Variants in CACNA1B observed in about 807,000 individuals in gnomAD.
The protein encoded by CACNA1B is calcium voltage-gated channel subunit alpha1 B.
A neutral mutation model predicts 247.2 loss-of-function variants in CACNA1B; 70 were observed. The ratio of observed to expected loss-of-function variants is 0.28; its 90% confidence interval spans 0.23 to 0.35. CACNA1B has a LOEUF of 0.35. Ranked by LOEUF, CACNA1B falls within the 10% of genes least tolerant of loss-of-function variation. The pLI is 1.00. For synonymous variants in CACNA1B, 1,231 were observed against 1,294.4 expected, an observed-to-expected ratio of 0.95 and a Z score of 1.05; for missense variants, 2,367 against 3,197.4, an observed-to-expected ratio of 0.74 and a Z score of 6.26.
chr9:137,952,401 G>T lies in CACNA1B; in HGVS notation c.1070+24G>T. 1 of 1,585,258 alleles carries T rather than the reference G, an allele frequency of 6.3e-7. No homozygotes were observed. Among genetic ancestry groups the T allele is most frequent in the Non-Finnish European group, 8.7e-7 (1 of 1,153,926 alleles). ...GGGTGAGAGACCATGTGGGGGATGT[G>T]CAGGTGCCCCTCTGTGTTCTCAGCT... On this transcript the variant is annotated intron_variant, in intron 7 of 46. Coordinates refer to ENST00000371372, the MANE Select transcript of CACNA1B (RefSeq NM_000718.4). This position sits in a 1 kb window ranked among gnomAD's most constrained non-coding sequence, Gnocchi z 4.8.
At chr9:137,878,755 G>C (rs899775596) in intron 1 of CACNA1B, among the ~76,000 whole-genome samples, 2 of 152,130 alleles carry the variant, frequency 1.3e-5, no homozygotes, top group African/African-American at 4.8e-5. Context: ...CCCTCCCCTC[G>C]GGGCCCTGGA....
At chr9:138,027,280 C>A (rs1377102694) in intron 20 of CACNA1B, among the ~76,000 whole-genome samples, 1 of 151,968 alleles carries the variant, frequency 6.6e-6, no homozygotes, top group Non-Finnish European at 1.5e-5. Flanking sequence ...TTGTCTGGTC[C>A]CTATTATTAC....
rs575480377 is a variant in CACNA1B at position 138,101,319 on chromosome 9, C to T, written c.5223-1392C>T. On this transcript the variant is annotated intron_variant, in intron 37 of 46. Coordinates refer to ENST00000371372, the MANE Select transcript of CACNA1B (RefSeq NM_000718.4). ...ACCTTTCTTTCCTCCTGTCCTGCCC[C>T]GCACTCCAGCCTCCTGGACGCTTTG... 148 of 449,996 alleles carry T rather than the reference C, an allele frequency of 3.3e-4. 2 individuals carry two copies. Among genetic ancestry groups the T allele is most frequent in the African/African-American group, 2.4e-3 (118 of 50,030 alleles). 27.9% of individuals were successfully genotyped at this position (449,996 alleles called of 1,614,324 possible).
chr9:138,099,421 A>G (rs1287587336), intron 37 of CACNA1B, among the ~76,000 whole-genome samples: 1 of 152,048 alleles, frequency 6.6e-6, no homozygotes, highest in African/African-American at 2.4e-5. Flanking sequence ...TGTATGAATG[A>G]CATGTGCACC....
At chr9:138,067,799 A>T (rs1458644778) in intron 31 of CACNA1B, among the ~76,000 whole-genome samples, 1 of 152,232 alleles carries the variant, frequency 6.6e-6, no homozygotes. Context: ...ACATGTGCAT[A>T]CAACTCAGCA....
At chr9:137,959,607 A>G (rs577762419) in intron 10 of CACNA1B, among the ~76,000 whole-genome samples, 4 of 151,644 alleles carry the variant, frequency 2.6e-5, no homozygotes, top group Non-Finnish European at 5.9e-5. Flanking sequence ...GATTTGGACC[A>G]GTGTTGTGAC....
Position 137,986,405 on chromosome 9 carries a change from C to A in CACNA1B, c.1770-8C>A. 1 of 1,613,428 alleles carries A rather than the reference C, an allele frequency of 6.2e-7. No homozygotes were observed. Among genetic ancestry groups the A allele is most frequent in the Non-Finnish European group, 8.5e-7 (1 of 1,179,642 alleles). On this transcript the variant is annotated splice_region_variant and splice_polypyrimidine_tract_variant and intron_variant, in intron 13 of 46. Transcript: ENST00000371372. This position sits in a 1 kb window ranked among gnomAD's most constrained non-coding sequence, Gnocchi z 6.0. ...GAGCTGGCTCAGACCCCCTGCCTGG[C>A]CCCGCAGGTACTGGAGCTCCCTGCG... is the stretch of plus-strand genomic sequence containing the variant.
rs200081614 is a variant in CACNA1B, at chr9:138,043,844, C to T, written c.3357C>T (p.Ser1119=). 31 of 1,613,836 alleles carry T rather than the reference C, an allele frequency of 1.9e-5. No homozygotes were observed. The highest frequency in any genetic ancestry group is 6.7e-5 in the East Asian group (3 of 44,872). The part of the protein sequence containing the change: ...KEVEADDVMR[S]GPRPIVPYSS... ...TGGAAGCGGATGACGTGATGAGGAG[C>T]GGCCCCCGGCCTATCGTCCCATACA... The change falls in exon 21 of 47, where the codon AGC becomes AGT. Residue 1119 remains serine, a synonymous_variant. Coordinates refer to ENST00000371372, the MANE Select transcript of CACNA1B (RefSeq NM_000718.4).
chr9:137,975,599 C>G (rs1003574535), intron 11 of CACNA1B, among the ~76,000 whole-genome samples: 12 of 152,178 alleles, frequency 7.9e-5, no homozygotes, highest in African/African-American at 2.2e-4. Flanking sequence ...GAGGAGGGGG[C>G]ACCCCCATGA....
intron 6 of CACNA1B, among the ~76,000 whole-genome samples, chr9:137,926,553 G>A (rs1957553499): frequency 6.6e-6 from 1 of 152,322 alleles, no homozygotes; most frequent in African/African-American, 2.4e-5. Flanking sequence ...ATACCCAGAA[G>A]TGGAATTGAG....
Position 138,023,609 on chromosome 9 carries a change from G to T in CACNA1B, c.2866G>T (p.Ala956Ser). ...CGCCGGCGCCAAGGGCGAGCGGCGC[G>T]CGCGGCACCGCGGCGGCCCCCGAGC... ...ECAGAKGERRARHRGGPRAGP... is the reference protein window; with the variant it reads ...ECAGAKGERRSRHRGGPRAGP... Residue 956 changes from alanine to serine, a missense_variant, in exon 19 of 47, where the codon GCG becomes TCG. By Grantham distance (99) the Ala-to-Ser change is moderately conservative (BLOSUM62 1). Transcript: ENST00000371372. 8.8e-7 allele frequency: 1 copy of T among 1,132,724 alleles called. No homozygotes were observed. Among genetic ancestry groups the T allele is most frequent in the Non-Finnish European group, 1.1e-6 (1 of 922,912 alleles). The allele number at this position is 1,132,724 out of a possible 1,614,324, so 70.2% of individuals were successfully genotyped here.
intron 6 of CACNA1B, among the ~76,000 whole-genome samples, chr9:137,951,108 T>G (rs752795714): frequency 2.6e-5 from 4 of 152,226 alleles, no homozygotes; most frequent in Non-Finnish European, 4.4e-5. Context: ...GGGAAGTTGG[T>G]GGCTTTGGTG....
intron 21 of CACNA1B, among the ~76,000 whole-genome samples, chr9:138,046,010 C>A (rs1959182802): frequency 6.6e-6 from 1 of 152,178 alleles, no homozygotes; most frequent in Non-Finnish European, 1.5e-5. Flanking sequence ...GTCTGCCCCA[C>A]CTGCTCCGTC....
chr9:137,994,397 A>T (rs532064189), intron 15 of CACNA1B, among the ~76,000 whole-genome samples: 1 of 152,248 alleles, frequency 6.6e-6, no homozygotes, highest in Non-Finnish European at 1.5e-5. Flanking sequence ...GGTAAAGAGG[A>T]AGTCAAACTG....
Position 138,102,856 on chromosome 9 carries a change from C to A in CACNA1B, c.5319+49C>A. The A allele has an allele frequency of 8.4e-7, 1 of 1,183,548 alleles. No homozygotes were observed. Among genetic ancestry groups the A allele is most frequent in the Non-Finnish European group, 1.2e-6 (1 of 806,296 alleles). The allele number at this position is 1,183,548 out of a possible 1,614,324, so 73.3% of individuals were successfully genotyped here. ...CCCCCCAGGAGGCTGTGTGTGCTTG[C>A]TGAGGGGTGCTTGCTGGCTCTCCCA... is the stretch of plus-strand genomic sequence containing the variant. On this transcript the variant is annotated intron_variant, in intron 38 of 46. Transcript: ENST00000371372. This position sits in a 1 kb window ranked among gnomAD's most constrained non-coding sequence, Gnocchi z 5.4.
intron 36 of CACNA1B, among the ~76,000 whole-genome samples, chr9:138,094,394 TA>T (rs1253123245): frequency 1.3e-5 from 2 of 148,658 alleles, no homozygotes; most frequent in Non-Finnish European, 1.5e-5. Flanking sequence ...CCTCTACACT[TA>T]AAAATTGTTA....
chr9:138,085,786 T>G (rs1960674885), intron 36 of CACNA1B, among the ~76,000 whole-genome samples: 1 of 151,244 alleles, frequency 6.6e-6, no homozygotes, highest in Admixed American at 6.6e-5. Context: ...TCAAGAATAC[T>G]ATACCCAGCA....
Position 138,054,109 on chromosome 9 carries a change from A to T in CACNA1B, c.3968+103A>T. Reference sequence around the variant, plus strand: ...TGGAGCTGGTCACACGGCGTGGGAGACTCCACTGCAGAGCATCACGGACCC... The same window carrying T: ...TGGAGCTGGTCACACGGCGTGGGAGTCTCCACTGCAGAGCATCACGGACCC... On this transcript the variant is annotated intron_variant, in intron 26 of 46. Coordinates refer to ENST00000371372, the MANE Select transcript of CACNA1B (RefSeq NM_000718.4). This position sits in a 1 kb window ranked among gnomAD's most constrained non-coding sequence, Gnocchi z 4.6. 1 of 1,097,504 alleles carries T rather than the reference A, an allele frequency of 9.1e-7. No homozygotes were observed. The highest frequency in any genetic ancestry group is 1.4e-6 in the Non-Finnish European group (1 of 730,322). The allele number at this position is 1,097,504 out of a possible 1,614,324, so 68.0% of individuals were successfully genotyped here.
rs200502807 is a variant in CACNA1B, at chr9:138,117,947, C to A, written c.5779C>A (p.Gln1927Lys). ...STSLSNGGAI[Q>K]NQESGIKESV... The stretch of plus-strand genomic sequence containing the variant: ...ATCTGTTTGTCTTCTCTGCCACAGA[C>A]AAAACCAAGAGAGTGGCATCAAAGA... Residue 1927 changes from glutamine to lysine, a missense_variant and splice_region_variant, in exon 43 of 47, where the codon CAA becomes AAA. Physicochemically the swap from Gln to Lys is moderately conservative, Grantham distance 53. Around this residue, in one of 12 missense-constraint regions of CACNA1B, gnomAD observed 773 missense variants for 779.4 expected, o/e 0.99. Coordinates refer to ENST00000371372, the MANE Select transcript of CACNA1B (RefSeq NM_000718.4). 6.3e-7 allele frequency: 1 copy of A among 1,575,294 alleles called. No individual in the cohort carries two copies. Among genetic ancestry groups the A allele is most frequent in the Non-Finnish European group, 8.7e-7 (1 of 1,155,684 alleles).
Sources: gnomAD v4.1 joint callset for allele counts (sites outside exome capture counted in the v4.1 genomes callset) on GRCh38, gnomAD v4.1.1 for gene constraint, gnomAD v4.1.1 regional missense constraint, Gnocchi (gnomAD v3.1) non-coding constraint, MANE v1.5 for transcripts, NCBI Gene and HGNC (gene_info 2026-07-23, HGNC 2026-07-21) for gene names.